Variants in PCDHA11 observed in about 807,000 individuals in gnomAD.
The protein encoded by PCDHA11 is protocadherin alpha-11.
Under a neutral mutation model 70.3 loss-of-function variants are expected in PCDHA11, and 61 were observed. The ratio of observed to expected loss-of-function variants is 0.87; its 90% CI spans 0.71 to 1.07. PCDHA11 has a LOEUF of 1.07. PCDHA11 is among the 50% of genes least tolerant of loss of function. PCDHA11 has a pLI of 0.00. For synonymous variants in PCDHA11, 633 were observed against 555.1 expected (o/e 1.14, Z -1.97); for missense variants, 1,324 against 1,237.5 (o/e 1.07, Z -1.05).
chr5:140,873,571 TGTTTAA>T (rs141288581), intron 1 of PCDHA11, among the ~76,000 whole-genome samples: 18,659 of 152,254 alleles, frequency 0.12, 1,208 homozygotes, highest in Middle Eastern at 0.19. Flanking sequence ...CTAGTTTGGT[TGTTTAA>T]GTATTAAGCT....
intron 1 of PCDHA11, among the ~76,000 whole-genome samples, chr5:140,901,839 A>G (rs578262204): frequency 6.6e-6 from 1 of 152,226 alleles, no homozygotes; most frequent in Admixed American, 6.5e-5. Context: ...TAAACATGCA[A>G]TATCTTTCCA....
At chr5:140,965,400 G>A (rs782574003) in intron 1 of PCDHA11, among the ~76,000 whole-genome samples, 1 of 152,154 alleles carries the variant, frequency 6.6e-6, no homozygotes, top group Non-Finnish European at 1.5e-5. Context: ...GAAGTCTAAG[G>A]AGTCTTATAT....
chr5:140,871,799 T>C (rs1183689356), intron 1 of PCDHA11, among the ~76,000 whole-genome samples: 2 of 152,196 alleles, frequency 1.3e-5, no homozygotes, highest in Non-Finnish European at 2.9e-5. Context: ...AAATAATTAC[T>C]ATTTTCACTA....
intron 1 of PCDHA11, among the ~76,000 whole-genome samples, chr5:140,960,338 G>A (rs2095541394): frequency 6.6e-6 from 1 of 152,172 alleles, no homozygotes; most frequent in Admixed American, 6.5e-5. Context: ...AGTACATGAG[G>A]TGAGATATGT....
At chr5:140,959,956 G>A (rs78198535) in intron 1 of PCDHA11, among the ~76,000 whole-genome samples, 3,568 of 152,304 alleles carry the variant, frequency 0.023, 49 homozygotes, top group Middle Eastern at 0.034. Flanking sequence ...TCATAGGTAG[G>A]AGGTAGATGT....
intron 1 of PCDHA11, chr5:140,967,549 T>C (rs781838911): frequency 6.2e-7 from 1 of 1,614,012 alleles, no homozygotes; most frequent in Non-Finnish European, 8.5e-7. Flanking sequence ...ACCAGTCCAC[T>C]TATCGCGTCC....
chr5:140,882,545 G>A (rs1174281421), intron 1 of PCDHA11: 4 of 1,614,238 alleles, frequency 2.5e-6, no homozygotes. Context: ...GATCGACCGC[G>A]AGGAGCTGTG....
chr5:140,915,367 G>A lies in PCDHA11; in HGVS notation c.2391+43873G>A, dbSNP rs185020793. On this transcript the variant is annotated intron_variant, in intron 1 of 3. Coordinates refer to ENST00000398640, the MANE Select transcript of PCDHA11 (RefSeq NM_018902.5). Reference sequence around the variant, plus strand: ...TCTGTATGCCTATTCTTACCAGTAAGTGTCTCGGCATTGAAGAGCTAGGTA... The same window carrying A: ...TCTGTATGCCTATTCTTACCAGTAAATGTCTCGGCATTGAAGAGCTAGGTA... Among the ~76,000 whole-genome samples, 5 of 152,278 alleles carry A rather than the reference G, an allele frequency of 3.3e-5. No individual in the cohort carries two copies. In the East Asian group the frequency reaches 9.7e-4, roughly 29 times the overall value.
intron 3 of PCDHA11, among the ~76,000 whole-genome samples, chr5:140,999,590 C>T (rs951986017): frequency 3.3e-5 from 5 of 152,132 alleles, no homozygotes; most frequent in Non-Finnish European, 7.3e-5. Context: ...AAATTGCCTT[C>T]CCTACATCCT....
In PCDHA11 at chr5:141,010,099, G is replaced by T; in HGVS notation, c.*162G>T. 5 of 1,612,768 alleles carry T rather than the reference G, an allele frequency of 3.1e-6. No individual in the cohort carries two copies. The highest frequency in any genetic ancestry group is 4.2e-6 in the Non-Finnish European group (5 of 1,179,316). On this transcript the variant is annotated 3_prime_UTR_variant, in exon 4 of 4. Coordinates refer to ENST00000398640, the MANE Select transcript of PCDHA11 (RefSeq NM_018902.5). ...GTGTCTGTCTAGAACGCATTTAACA[G>T]GTTTTGTCGTAAAAGCTTTACTAAG...
rs565763627 is a variant in PCDHA11, at chr5:140,989,336, C to G, written c.2539+6773C>G. ...GTCTCACCAACTTTGCCACCTGACT[C>G]AGCTCAAAGGTGATAGGTCACCTGT... is the stretch of plus-strand genomic sequence containing the variant. On this transcript the variant is annotated intron_variant, in intron 3 of 3. Transcript: ENST00000398640. Among the ~76,000 whole-genome samples, 6 of 152,272 alleles carry G rather than the reference C, an allele frequency of 3.9e-5. 1 individual carries two copies. In the South Asian group the frequency reaches 1.0e-3, roughly 26 times the overall value.
chr5:140,882,490 T>C, intron 1 of PCDHA11: 1 of 1,614,024 alleles, frequency 6.2e-7, no homozygotes, highest in Non-Finnish European at 8.5e-7. Context: ...ACGGGGACCT[T>C]CTGGAGGTAA....
intron 1 of PCDHA11, among the ~76,000 whole-genome samples, chr5:140,915,967 A>G (rs1188377648): frequency 1.3e-5 from 2 of 152,078 alleles, no homozygotes; most frequent in Non-Finnish European, 2.9e-5. Flanking sequence ...TTTGCCTGAT[A>G]TTTTATTTGA....
chr5:141,006,491 G>A (rs142641127), intron 3 of PCDHA11, among the ~76,000 whole-genome samples: 4,876 of 152,234 alleles, frequency 0.032, 273 homozygotes, highest in African/African-American at 0.11. Context: ...GGGATTACAT[G>A]TGTGAGCCAC....
chr5:140,912,851 A>C lies in PCDHA11; in HGVS notation c.2391+41357A>C, dbSNP rs564747882. ...TTTTATTAAATGCTTTTTCAGCATCAATTGAAATGATATATGGTTTTTGGT... is the reference window on the plus strand; with the variant it reads ...TTTTATTAAATGCTTTTTCAGCATCCATTGAAATGATATATGGTTTTTGGT... On this transcript the variant is annotated intron_variant, in intron 1 of 3. Coordinates refer to ENST00000398640, the MANE Select transcript of PCDHA11 (RefSeq NM_018902.5). Among the ~76,000 whole-genome samples, 3 of 152,328 alleles carry C rather than the reference A, an allele frequency of 2.0e-5. No individual in the cohort carries two copies. The South Asian group carries it at 6.2e-4, about 32-fold the overall frequency.
chr5:140,960,588 T>A (rs2095557494), intron 1 of PCDHA11, among the ~76,000 whole-genome samples: 1 of 152,166 alleles, frequency 6.6e-6, no homozygotes, highest in African/African-American at 2.4e-5. Flanking sequence ...ACAGTTCAAA[T>A]TCAAGGTACT....
intron 3 of PCDHA11, among the ~76,000 whole-genome samples, chr5:140,989,845 T>C (rs1180098230): frequency 2.6e-5 from 4 of 152,118 alleles, no homozygotes; most frequent in Non-Finnish European, 5.9e-5. Flanking sequence ...AATGAGTGTG[T>C]GGACTGGAGA....
At chr5:140,993,984 CACTT>C (rs2097589955) in intron 3 of PCDHA11, among the ~76,000 whole-genome samples, 1 of 152,114 alleles carries the variant, frequency 6.6e-6, no homozygotes, top group Non-Finnish European at 1.5e-5. Flanking sequence ...ATTTATTAAG[CACTT>C]AGGTCAGGCC....
chr5:140,927,418 C>T (rs1296760547), intron 1 of PCDHA11: 3 of 1,614,106 alleles, frequency 1.9e-6, no homozygotes, highest in Admixed American at 1.7e-5. Flanking sequence ...CATGGGATCG[C>T]GGGTTGACGG....
Sources: allele counts gnomAD v4.1 joint callset (sites outside exome capture counted in the v4.1 genomes callset), GRCh38; gene constraint gnomAD v4.1.1; transcripts MANE v1.5; gene names NCBI Gene and HGNC (gene_info 2026-07-23, HGNC 2026-07-21).